Variants in MID1 observed in about 807,000 individuals in gnomAD.
MID1 encodes E3 ubiquitin-protein ligase Midline-1.
MID1 carries 7 observed loss-of-function variants against 40.4 expected under a neutral mutation model. The observed-to-expected ratio is 0.17, with a 90% CI of 0.10 to 0.33. The LOEUF (loss-of-function observed/expected upper bound fraction) is 0.33, where lower values mean the gene tolerates loss of function less well. Ranked by LOEUF, MID1 falls within the 10% of genes least tolerant of loss-of-function variation. MID1 has a pLI of 1.00. For missense variants in MID1, 367 were observed against 558.5 expected (o/e 0.66, Z 3.46); for synonymous variants, 229 against 221.2 (o/e 1.04, Z -0.31).
chrX:10,642,006 G>T (rs1433853873), intron 1 of MID1, among the ~76,000 whole-genome samples: 1 of 111,785 alleles, frequency 8.9e-6, no homozygotes, highest in Non-Finnish European at 1.9e-5. Flanking sequence ...AGGTATTGAT[G>T]GAATGTATCT....
chrX:10,511,337 T>C (rs7058989), intron 3 of MID1, among the ~76,000 whole-genome samples: 3,447 of 111,588 alleles, frequency 0.031, 87 homozygotes, highest in African/African-American at 0.078. Context: ...TTAAATGCTA[T>C]GAACTATTAA....
chrX:10,718,998 C>G lies in MID1; in HGVS notation c.-186-98579G>C, dbSNP rs762781067. On this transcript the variant is annotated intron_variant, in intron 1 of 10. Coordinates refer to the MID1 transcript ENST00000380785. The stretch of plus-strand genomic sequence containing the variant: ...AAGGCCTTTGACAAAATTCAACAAC[C>G]CTTCATGCTAAAAACTCTCAATAAA... 2.6e-3 allele frequency among the ~76,000 whole-genome samples: 295 copies of G among 111,591 alleles called. 1 individual carries two copies. The highest frequency in any genetic ancestry group is 2.7e-3 in the Non-Finnish European group (141 of 53,022).
Position 10,718,602 on chromosome X carries a change from G to GAATTCTAC in MID1, c.-186-98191_-186-98184dup, listed in dbSNP as rs1310763517. 2.7e-5 allele frequency among the ~76,000 whole-genome samples: 3 copies of GAATTCTAC among 111,535 alleles called. No homozygotes were observed. In the East Asian group the frequency reaches 8.4e-4, roughly 31 times the overall value. On this transcript the variant is annotated intron_variant, in intron 1 of 10. Coordinates refer to the MID1 transcript ENST00000380785. ...TCCAGGAACAGATGGATTCACAGCC[G>GAATTCTAC]AATTCTACCAGAGGTACAAGGAGGA...
intron 2 of MID1, among the ~76,000 whole-genome samples, chrX:10,558,793 T>C (rs1164320258): frequency 8.9e-6 from 1 of 112,762 alleles, no homozygotes; most frequent in East Asian, 2.8e-4. Flanking sequence ...TATAGACGAG[T>C]AAAATATAGC....
intron 1 of MID1, among the ~76,000 whole-genome samples, chrX:10,688,316 C>T (rs989178643): frequency 9.0e-6 from 1 of 111,423 alleles, no homozygotes; most frequent in Non-Finnish European, 1.9e-5. Flanking sequence ...ATTTTTGTAA[C>T]CAGCATTTTG....
At chrX:10,672,700 T>C (rs937705618) in intron 1 of MID1, among the ~76,000 whole-genome samples, 1 of 111,270 alleles carries the variant, frequency 9.0e-6, no homozygotes, top group Non-Finnish European at 1.9e-5. Flanking sequence ...AATAAATTTG[T>C]GTTGTTTAAT....
chrX:10,452,955 T>C (rs1259366909), intron 9 of MID1, among the ~76,000 whole-genome samples: 1 of 112,131 alleles, frequency 8.9e-6, no homozygotes, highest in Non-Finnish European at 1.9e-5. Context: ...CTGGATTCTA[T>C]CCCAGATTAA....
intron 1 of MID1, among the ~76,000 whole-genome samples, chrX:10,709,001 T>C (rs946005271): frequency 1.8e-5 from 2 of 112,762 alleles, no homozygotes; most frequent in Admixed American, 9.4e-5. Context: ...CATTTGTGAC[T>C]AGCAAAAATG....
chrX:10,506,124 G>C (rs1602318438), intron 3 of MID1: 1 of 839,714 alleles, frequency 1.2e-6, no homozygotes, highest in Admixed American at 6.7e-5. Context: ...AGAATATCAG[G>C]AGAAGTGAGT....
intron 2 of MID1, among the ~76,000 whole-genome samples, chrX:10,530,657 GAAC>G (rs1220665884): frequency 8.9e-6 from 1 of 112,238 alleles, no homozygotes; most frequent in African/African-American, 3.2e-5. Context: ...GCTGATAATT[GAAC>G]AATTCATGTT....
chrX:10,451,088 C>T (rs1280034108), intron 9 of MID1, among the ~76,000 whole-genome samples: 1 of 111,696 alleles, frequency 9.0e-6, no homozygotes, highest in African/African-American at 3.3e-5. Flanking sequence ...ACACAACATG[C>T]CATCACTAAA....
intron 1 of MID1, among the ~76,000 whole-genome samples, chrX:10,632,129 C>T (rs891173322): frequency 8.9e-6 from 1 of 111,845 alleles, no homozygotes; most frequent in Non-Finnish European, 1.9e-5. Flanking sequence ...TTATTTAGGG[C>T]ATGTTTTCAG....
At chrX:10,658,626 C>T (rs1457369447) in intron 1 of MID1, among the ~76,000 whole-genome samples, 1 of 109,684 alleles carries the variant, frequency 9.1e-6, no homozygotes, top group Non-Finnish European at 1.9e-5. Flanking sequence ...CCATAAAATG[C>T]CTATGATAGA....
At chrX:10,809,894 AC>A (rs2044083936) in intron 1 of MID1, among the ~76,000 whole-genome samples, 1 of 110,988 alleles carries the variant, frequency 9.0e-6, no homozygotes, top group Non-Finnish European at 1.9e-5. Flanking sequence ...GTGCACATGT[AC>A]CCTAGAACTT....
chrX:10,509,666 T>C (rs886435168), intron 3 of MID1, among the ~76,000 whole-genome samples: 2 of 111,672 alleles, frequency 1.8e-5, no homozygotes, highest in Non-Finnish European at 3.8e-5. Flanking sequence ...CTCCAGGGAT[T>C]TGTGGCTACT....
Position 10,523,099 on chromosome X carries a change from T to C in MID1, c.749A>G (p.His250Arg). 1 of 1,193,747 alleles carries C rather than the reference T, an allele frequency of 8.4e-7. No individual in the cohort carries two copies. Among genetic ancestry groups the C allele is most frequent in the African/African-American group, 1.8e-5 (1 of 56,999 alleles). Reference protein sequence around the residue: ...LLAKLIQTCQHVEVNASRQEA... With the variant: ...LLAKLIQTCQRVEVNASRQEA... ...AAATACAGAGATACTCACTTCAACA[T>C]GTTGACAGGTTTGGATGAGTTTAGC... Residue 250 changes from histidine (H) to arginine (R), a missense_variant, in exon 3 of 10, where the codon CAT becomes CGT. Around this residue, in one of 3 missense-constraint regions of MID1, gnomAD observed 275 missense variants for 383.1 expected, o/e 0.72. Transcript: ENST00000317552.
chrX:10,613,732 T>TATATATAGAGAG (rs1482081086), intron 1 of MID1, among the ~76,000 whole-genome samples: 4 of 17,478 alleles, frequency 2.3e-4, no homozygotes, highest in Admixed American at 8.9e-4. Flanking sequence ...TATATATATA[T>TATATATAGAGAG]AGAGAGAGAG....
intron 1 of MID1, among the ~76,000 whole-genome samples, chrX:10,579,718 C>G (rs1934959272): frequency 9.0e-6 from 1 of 111,360 alleles, no homozygotes; most frequent in Non-Finnish European, 1.9e-5. Flanking sequence ...TTCACAACTC[C>G]TGGTTAACTA....
chrX:10,741,314 G>A (rs1254385384), intron 1 of MID1, among the ~76,000 whole-genome samples: 2 of 111,078 alleles, frequency 1.8e-5, no homozygotes, highest in Admixed American at 9.7e-5. Context: ...TTCTGGAAAT[G>A]TTTTAGGATC....
Sources: gnomAD v4.1 joint callset for allele counts (sites outside exome capture counted in the v4.1 genomes callset) on GRCh38, gnomAD v4.1.1 for gene constraint, gnomAD v4.1.1 regional missense constraint, MANE v1.5 for transcripts, NCBI Gene and HGNC (gene_info 2026-07-23, HGNC 2026-07-21) for gene names.